CAMK1D: variants seen among roughly 807,000 people sequenced by gnomAD.
CAMK1D encodes the protein calcium/calmodulin dependent protein kinase ID, also known as calcium/calmodulin-dependent protein kinase type 1D.
Under a neutral mutation model 47.7 loss-of-function variants are expected in CAMK1D, and 9 were observed. The observed-to-expected ratio is 0.19, with a 90% CI of 0.11 to 0.33. The LOEUF (loss-of-function observed/expected upper bound fraction) is 0.33. Among genes scored for constraint, CAMK1D ranks in the 10% least tolerant of loss-of-function variants. The pLI is 1.00. For synonymous variants in CAMK1D, 184 were observed against 184.9 expected (o/e 0.99, Z 0.04); for missense variants, 291 against 488.7 (o/e 0.60, Z 3.81).
intron 1 of CAMK1D, among the ~76,000 whole-genome samples, chr10:12,522,613 A>T (rs185738045): frequency 6.6e-6 from 1 of 152,006 alleles, no homozygotes; most frequent in Non-Finnish European, 1.5e-5. Flanking sequence ...ACACAGACAC[A>T]GCAACCATCT....
chr10:12,601,397 C>T lies in CAMK1D; in HGVS notation c.224+48041C>T, dbSNP rs143629641. 4.7e-3 allele frequency among the ~76,000 whole-genome samples: 721 copies of T among 152,270 alleles called. 5 individuals carry two copies. Among genetic ancestry groups the T allele is most frequent in the African/African-American group, 0.017 (693 of 41,572 alleles). ...GCTCTCTAGTTCCTGTGACCTGGCA[C>T]GTGTGTGGCCTGCCACAGCACCTCG... On this transcript the variant is annotated intron_variant, in intron 2 of 10. Transcript: ENST00000619168.
chr10:12,638,476 G>A (rs1839574379), intron 2 of CAMK1D, among the ~76,000 whole-genome samples: 1 of 151,922 alleles, frequency 6.6e-6, no homozygotes, highest in African/African-American at 2.4e-5. Context: ...CCTCTGCATG[G>A]AGAACTCCGT....
In CAMK1D at chr10:12,713,671, GGATGTGGTCA is replaced by G. The variant is rs1834016932; in HGVS notation, c.299+46869_299+46878del. 2.6e-5 allele frequency among the ~76,000 whole-genome samples: 4 copies of G among 152,280 alleles called. No individual in the cohort carries two copies. In the South Asian group the frequency reaches 8.3e-4, roughly 32 times the overall value. ...TCCCTTCAGTTGCAGATGTTTGTTAGGATGTGGTCAGATGTGGGGAAGGGCAGGTGGCCAT... is the reference window on the plus strand; with the variant it reads ...TCCCTTCAGTTGCAGATGTTTGTTAGGATGTGGGGAAGGGCAGGTGGCCAT... On this transcript the variant is annotated intron_variant, in intron 3 of 10. Coordinates refer to ENST00000619168, the MANE Select transcript of CAMK1D (RefSeq NM_153498.4).
intron 8 of CAMK1D, among the ~76,000 whole-genome samples, chr10:12,819,247 C>T (rs965263410): frequency 2.0e-5 from 3 of 152,160 alleles, no homozygotes; most frequent in Admixed American, 2.0e-4. Context: ...GAAGGCTTGC[C>T]CCAGGCCAGC....
In CAMK1D at chr10:12,553,208, T is replaced by C. The variant is rs1483765001; in HGVS notation, c.93-17T>C. ...ACTTCTGCATCTAAGTGTTCTTTTT[T>C]CCTTCTTTGTTCACAGCGGGGCCTT... On this transcript the variant is annotated splice_polypyrimidine_tract_variant and intron_variant, in intron 1 of 10. Coordinates refer to ENST00000619168, the MANE Select transcript of CAMK1D (RefSeq NM_153498.4). 1.2e-6 allele frequency: 2 copies of C among 1,613,788 alleles called. No homozygotes were observed. Among genetic ancestry groups the C allele is most frequent in the Middle Eastern group, 1.7e-4 (1 of 6,054 alleles).
intron 2 of CAMK1D, among the ~76,000 whole-genome samples, chr10:12,577,918 C>T (rs1051805731): frequency 2.0e-5 from 3 of 152,234 alleles, no homozygotes; most frequent in African/African-American, 7.2e-5. Context: ...TCCACCTATT[C>T]ATCCAATCAT....
At chr10:12,721,587 G>T (rs138163944) in intron 3 of CAMK1D, among the ~76,000 whole-genome samples, 2 of 152,258 alleles carry the variant, frequency 1.3e-5, no homozygotes, top group East Asian at 3.9e-4. Flanking sequence ...GCTACTAGGT[G>T]CCAGGGCCTT....
At chr10:12,711,750 A>G (rs1833945442) in intron 3 of CAMK1D, among the ~76,000 whole-genome samples, 1 of 152,170 alleles carries the variant, frequency 6.6e-6, no homozygotes, top group South Asian at 2.1e-4. Context: ...GCAGATCTAA[A>G]TATCTACTCT....
chr10:12,374,304 G>A (rs926398538), intron 1 of CAMK1D, among the ~76,000 whole-genome samples: 10 of 151,534 alleles, frequency 6.6e-5, no homozygotes, highest in Non-Finnish European at 1.3e-4. Flanking sequence ...AAGAGCCTAG[G>A]TGGCAAAATC....
intron 2 of CAMK1D, among the ~76,000 whole-genome samples, chr10:12,570,923 C>G (rs1330995666): frequency 6.6e-6 from 1 of 151,934 alleles, no homozygotes; most frequent in Non-Finnish European, 1.5e-5. Context: ...TGCACTCTAG[C>G]CTGGGTGACA....
At chr10:12,764,962 G>T (rs982949639) in intron 4 of CAMK1D, among the ~76,000 whole-genome samples, 1 of 152,126 alleles carries the variant, frequency 6.6e-6, no homozygotes, top group African/African-American at 2.4e-5. Context: ...GTGTGTGGTG[G>T]CACATGCCTG....
At chr10:12,577,767 T>C (rs1837535220) in intron 2 of CAMK1D, among the ~76,000 whole-genome samples, 1 of 152,260 alleles carries the variant, frequency 6.6e-6, no homozygotes, top group Non-Finnish European at 1.5e-5. Flanking sequence ...GGTATGATGC[T>C]TGGCTGACAT....
At chr10:12,675,512 C>A (rs1840776556) in intron 3 of CAMK1D, among the ~76,000 whole-genome samples, 1 of 152,152 alleles carries the variant, frequency 6.6e-6, no homozygotes, top group South Asian at 2.1e-4. Flanking sequence ...TCTCTTATAC[C>A]CAACAATCCC....
At chr10:12,812,573 G>A (rs550274869) in intron 6 of CAMK1D, among the ~76,000 whole-genome samples, 2 of 152,238 alleles carry the variant, frequency 1.3e-5, no homozygotes, top group South Asian at 2.1e-4. Flanking sequence ...CTGTGATCAC[G>A]CCATTGTGCT....
intron 1 of CAMK1D, chr10:12,456,447 G>A (rs1588505294): frequency 6.6e-6 from 1 of 152,170 alleles, no homozygotes; most frequent in Non-Finnish European, 1.5e-5. Flanking sequence ...ACCACCAGTG[G>A]GGGATGCCGC....
chr10:12,737,001 G>C (rs941545195), intron 3 of CAMK1D, among the ~76,000 whole-genome samples: 7 of 152,212 alleles, frequency 4.6e-5, no homozygotes, highest in African/African-American at 1.7e-4. Context: ...AGGGACCCAA[G>C]AGAACAGCGA....
chr10:12,783,056 A>C (rs936884800), intron 5 of CAMK1D, among the ~76,000 whole-genome samples: 3 of 147,844 alleles, frequency 2.0e-5, no homozygotes, highest in African/African-American at 7.6e-5. Context: ...GCAGTGGTGC[A>C]ATCTTGGCTC....
chr10:12,485,334 C>G (rs1407955229), intron 1 of CAMK1D, among the ~76,000 whole-genome samples: 2 of 152,150 alleles, frequency 1.3e-5, no homozygotes, highest in African/African-American at 2.4e-5. Flanking sequence ...CTGGGATGGT[C>G]AGAGCTTCCT....
intron 3 of CAMK1D, among the ~76,000 whole-genome samples, chr10:12,734,417 CACATGTATATATATAT>C (rs1392064361): frequency 1.1e-3 from 17 of 15,382 alleles, no homozygotes; most frequent in South Asian, 3.6e-3. Context: ...CACACACACA[CACATGTATATATATAT>C]ACACACACAC....
Sources: allele counts gnomAD v4.1 joint callset (sites outside exome capture counted in the v4.1 genomes callset), GRCh38; gene constraint gnomAD v4.1.1; transcripts MANE v1.5; gene names NCBI Gene and HGNC (gene_info 2026-07-23, HGNC 2026-07-21).